DAAM1: variants seen among roughly 807,000 people sequenced by gnomAD.
The protein encoded by DAAM1 is disheveled-associated activator of morphogenesis 1.
A neutral mutation model predicts 130.0 loss-of-function variants in DAAM1; 52 were observed. The ratio of observed to expected loss-of-function variants is 0.40; its 90% CI spans 0.32 to 0.50. DAAM1 has a LOEUF of 0.50. Among genes scored for constraint, DAAM1 ranks in the 20% least tolerant of loss-of-function variants. DAAM1 has a pLI of 0.61. For synonymous variants in DAAM1, 452 were observed against 444.5 expected (o/e 1.02, Z -0.21); for missense variants, 1,134 against 1,303.8 (o/e 0.87, Z 2.01).
At chr14:59,327,054 A>G in intron 12 of DAAM1, 63 bp downstream of exon 12, 2 of 1,580,594 alleles carry the variant, frequency 1.3e-6, no homozygotes, top group East Asian at 2.2e-5. Flanking sequence ...TGATTTCCAT[A>G]TATTTTGGAA....
chr14:59,224,712 GA>G (rs927886707), intron 1 of DAAM1, among the ~76,000 whole-genome samples: 4 of 152,250 alleles, frequency 2.6e-5, no homozygotes, highest in African/African-American at 9.6e-5. Flanking sequence ...ATGAATTTTG[GA>G]GGGGCAGGGG....
At chr14:59,366,690 T>C (rs1886929421) in intron 23 of DAAM1, among the ~76,000 whole-genome samples, 1 of 152,168 alleles carries the variant, frequency 6.6e-6, no homozygotes. Flanking sequence ...ATTTTTACTT[T>C]AGAAATGATT....
chr14:59,321,850 A>G (rs916124806), intron 5 of DAAM1, among the ~76,000 whole-genome samples: 6 of 152,232 alleles, frequency 3.9e-5, no homozygotes, highest in African/African-American at 1.4e-4. Context: ...ATGTTAATCG[A>G]TATCCAAGCC....
intron 1 of DAAM1, among the ~76,000 whole-genome samples, chr14:59,250,009 C>T (rs181145029): frequency 6.6e-6 from 1 of 152,252 alleles, no homozygotes; most frequent in East Asian, 1.9e-4. Context: ...TATGAACATA[C>T]TAAAATCTCT....
chr14:59,358,049 A>C (rs1389870443), intron 20 of DAAM1, among the ~76,000 whole-genome samples: 1 of 152,228 alleles, frequency 6.6e-6, no homozygotes, highest in Non-Finnish European at 1.5e-5. Flanking sequence ...AATTATGGAA[A>C]TGTTTTTTAA....
intron 3 of DAAM1, among the ~76,000 whole-genome samples, chr14:59,308,902 G>C (rs1463473080): frequency 2.6e-5 from 4 of 152,252 alleles, no homozygotes; most frequent in African/African-American, 4.8e-5. Flanking sequence ...ATCATTCTTT[G>C]TGTGGGCCCA....
chr14:59,211,763 T>C (rs1361225143), intron 1 of DAAM1, among the ~76,000 whole-genome samples: 3 of 152,204 alleles, frequency 2.0e-5, no homozygotes, highest in African/African-American at 7.2e-5. Flanking sequence ...TAATTTTCTA[T>C]ATTTCTTGAA....
intron 4 of DAAM1, among the ~76,000 whole-genome samples, chr14:59,318,448 A>G (rs1173501956): frequency 6.6e-6 from 1 of 150,452 alleles, no homozygotes; most frequent in Non-Finnish European, 1.5e-5. Flanking sequence ...TAGTAAGTGC[A>G]TAGAGCATTC....
chr14:59,248,538 T>C (rs1486656369), intron 1 of DAAM1, among the ~76,000 whole-genome samples: 1 of 152,208 alleles, frequency 6.6e-6, no homozygotes, highest in Non-Finnish European at 1.5e-5. Flanking sequence ...ACACTCTTTC[T>C]TGCCGCCGCT....
chr14:59,243,459 G>C (rs1490320009), intron 1 of DAAM1, among the ~76,000 whole-genome samples: 1 of 152,100 alleles, frequency 6.6e-6, no homozygotes, highest in East Asian at 1.9e-4. Context: ...ACTCAGGCTG[G>C]TGGAAATGCC....
chr14:59,363,901 G>A, intron 23 of DAAM1, 119 bp downstream of exon 23: 1 of 1,389,570 alleles, frequency 7.2e-7, no homozygotes, highest in South Asian at 1.3e-5. Flanking sequence ...CGTGGTGCAG[G>A]AAATAAAGTA....
intron 2 of DAAM1, among the ~76,000 whole-genome samples, chr14:59,272,189 G>T (rs1882740705): frequency 6.6e-6 from 1 of 152,150 alleles, no homozygotes; most frequent in African/African-American, 2.4e-5. Flanking sequence ...ATTAAAAGTT[G>T]GTTTTATTTG....
chr14:59,357,198 A>C (rs952558124), intron 20 of DAAM1: 6 of 152,238 alleles, frequency 3.9e-5, no homozygotes, highest in African/African-American at 1.4e-4. Flanking sequence ...ATAGCAAGAA[A>C]GATGTGTATG....
At chr14:59,260,188 T>C (rs1882104601) in intron 1 of DAAM1, among the ~76,000 whole-genome samples, 1 of 152,230 alleles carries the variant, frequency 6.6e-6, no homozygotes, top group Non-Finnish European at 1.5e-5. Flanking sequence ...TAACCTAACT[T>C]GGATATTTTT....
chr14:59,195,230 G>A lies in DAAM1; in HGVS notation c.-38+6462G>A, dbSNP rs10146934. ...GCGATCTCAGCTCACTGCAAGCTCCGCCTCCCAGGTTCACGCCATTCTCCT... is the reference window on the plus strand; with the variant it reads ...GCGATCTCAGCTCACTGCAAGCTCCACCTCCCAGGTTCACGCCATTCTCCT... On this transcript the variant is annotated intron_variant, in intron 1 of 24. Transcript: ENST00000360909. 2.9e-3 allele frequency among the ~76,000 whole-genome samples: 410 copies of A among 140,928 alleles called. 2 individuals carry two copies. Among genetic ancestry groups the A allele is most frequent in the African/African-American group, 0.01 (392 of 37,538 alleles). The allele number at this position is 140,928 out of a possible 152,430, so 92.5% of individuals were successfully genotyped here.
chr14:59,301,936 A>G (rs922639173), intron 3 of DAAM1, among the ~76,000 whole-genome samples: 6 of 152,184 alleles, frequency 3.9e-5, no homozygotes, highest in African/African-American at 1.4e-4. Context: ...TGTGGATACC[A>G]TCTCTCCTTG....
intron 3 of DAAM1, among the ~76,000 whole-genome samples, chr14:59,303,725 C>T (rs1884269429): frequency 6.6e-6 from 1 of 152,046 alleles, no homozygotes; most frequent in African/African-American, 2.4e-5. Context: ...CGTGGCGAAA[C>T]CCCATCTCTA....
intron 20 of DAAM1, among the ~76,000 whole-genome samples, chr14:59,356,970 G>A (rs372846250): frequency 1.8e-4 from 28 of 152,278 alleles, no homozygotes; most frequent in African/African-American, 6.0e-4. Flanking sequence ...ACCCATGAAC[G>A]TTGTTCAGTT....
At position 59,305,559 on chromosome 14, in the gene DAAM1, T is replaced by C. The variant is rs558980700; in HGVS notation, c.274-9721T>C. ...CTCAGTTCTTAGTTCTAGCTAAGTG[T>C]TGTGGCTGCTTTCTCAGATATACCA... is the stretch of plus-strand genomic sequence containing the variant. On this transcript the variant is annotated intron_variant, in intron 3 of 24. Coordinates refer to ENST00000360909, the MANE Select transcript of DAAM1 (RefSeq NM_001270520.2). Among the ~76,000 whole-genome samples the C allele has an allele frequency of 1.3e-3, 202 of 152,322 alleles. 1 individual carries two copies. The highest frequency in any genetic ancestry group is 4.7e-3 in the African/African-American group (196 of 41,588).
Sources: allele counts gnomAD v4.1 joint callset (sites outside exome capture counted in the v4.1 genomes callset), GRCh38; gene constraint gnomAD v4.1.1; transcripts MANE v1.5; gene names NCBI Gene and HGNC (gene_info 2026-07-23, HGNC 2026-07-21).